RHOBTB1: variants seen among roughly 807,000 people sequenced by gnomAD.
RHOBTB1 encodes rho-related BTB domain-containing protein 1.
A neutral mutation model predicts 71.6 loss-of-function variants in RHOBTB1; 40 were observed. That is an observed-to-expected ratio of 0.56 (90% CI 0.43 to 0.73). The LOEUF is 0.73. Ranked by LOEUF, RHOBTB1 falls within the 30% of genes least tolerant of loss-of-function variation. RHOBTB1 has a pLI of 0.00. For synonymous variants in RHOBTB1, 319 were observed against 334.9 expected (o/e 0.95, Z 0.52); for missense variants, 797 against 894.0 (o/e 0.89, Z 1.38).
At position 60,951,502 on chromosome 10, in the gene RHOBTB1, C is replaced by G. The variant is rs1349018167; in HGVS notation, c.-61-9648G>C. On this transcript the variant is annotated intron_variant, in intron 2 of 11. Transcript: ENST00000357917. Reference sequence around the variant, plus strand: ...ATTTGGTAAACTCCCCCTTTATGGTCAAGTAGTTAACTGCATCACATGTGG... The same window carrying G: ...ATTTGGTAAACTCCCCCTTTATGGTGAAGTAGTTAACTGCATCACATGTGG... 4.6e-5 allele frequency among the ~76,000 whole-genome samples: 7 copies of G among 152,308 alleles called. No individual in the cohort carries two copies. The South Asian group carries it at 1.2e-3, about 27-fold the overall frequency.
At chr10:60,861,209 G>A in the RHOBTB1 span, among the ~76,000 whole-genome samples, 2 of 152,184 alleles carry the variant, frequency 1.3e-5, no homozygotes, top group African/African-American at 2.4e-5. Flanking sequence ...GTTATAGGAC[G>A]TTCTGTTTGA....
Position 60,990,618 on chromosome 10 carries a change from C to A in RHOBTB1, c.-162-4673G>T, listed in dbSNP as rs373152383. On this transcript the variant is annotated intron_variant, in intron 1 of 11. Transcript: ENST00000357917. The stretch of plus-strand genomic sequence containing the variant: ...CTGACCACTGCTACTTTCCTAGAAC[C>A]CTTGCTCCTCTGCCCCCCATGACCC... Among the ~76,000 whole-genome samples, 6 of 152,132 alleles carry A rather than the reference C, an allele frequency of 3.9e-5. No homozygotes were observed. The South Asian group carries it at 8.3e-4, about 21-fold the overall frequency.
At chr10:60,894,651 T>C (rs1317950922) in intron 4 of RHOBTB1, among the ~76,000 whole-genome samples, 1 of 152,206 alleles carries the variant, frequency 6.6e-6, no homozygotes, top group Non-Finnish European at 1.5e-5. Context: ...GAAACTCTGC[T>C]ATAAGCTTCA....
At chr10:60,983,246 A>G (rs527466234) in intron 2 of RHOBTB1, among the ~76,000 whole-genome samples, 1 of 152,312 alleles carries the variant, frequency 6.6e-6, no homozygotes, top group African/African-American at 2.4e-5. Flanking sequence ...ATGCTTCCTT[A>G]GGGCTATTCC....
intron 2 of RHOBTB1, among the ~76,000 whole-genome samples, chr10:60,979,053 T>G (rs912665789): frequency 2.6e-5 from 4 of 152,180 alleles, no homozygotes; most frequent in African/African-American, 9.7e-5. Flanking sequence ...TATTTATGGC[T>G]TCCTTGTCAT....
chr10:60,932,844 C>A (rs2084340678), intron 2 of RHOBTB1, among the ~76,000 whole-genome samples: 2 of 152,100 alleles, frequency 1.3e-5, no homozygotes, highest in African/African-American at 4.8e-5. Context: ...TTTAAAAACC[C>A]ATATTCATGA....
chr10:60,959,291 C>T (rs753632208), intron 2 of RHOBTB1, among the ~76,000 whole-genome samples: 2 of 152,142 alleles, frequency 1.3e-5, no homozygotes, highest in African/African-American at 4.8e-5. Flanking sequence ...TCTTGGAAAA[C>T]GGACCTACAG....
chr10:60,972,443 C>A (rs964475599), intron 2 of RHOBTB1, among the ~76,000 whole-genome samples: 1 of 151,992 alleles, frequency 6.6e-6, no homozygotes, highest in Admixed American at 6.6e-5. Flanking sequence ...GAACAGAAAA[C>A]CAAACATCGC....
At chr10:60,908,349 G>A (rs1229203399) in intron 4 of RHOBTB1, among the ~76,000 whole-genome samples, 1 of 152,158 alleles carries the variant, frequency 6.6e-6, no homozygotes, top group Non-Finnish European at 1.5e-5. Flanking sequence ...TTTTAAAAAG[G>A]TTTCGAATAC....
upstream of RHOBTB1, among the ~76,000 whole-genome samples, chr10:60,944,917 C>A (rs1258494499): frequency 1.3e-5 from 2 of 152,134 alleles, no homozygotes; most frequent in Non-Finnish European, 2.9e-5. Context: ...TTATAACCTC[C>A]TGCAAATGGC....
intron 6 of RHOBTB1, among the ~76,000 whole-genome samples, chr10:60,886,656 A>C (rs555812424): frequency 4.0e-5 from 6 of 150,106 alleles, no homozygotes; most frequent in Non-Finnish European, 7.4e-5. Context: ...TACATTTATA[A>C]TATGCTCTAC....
At chr10:61,000,148 C>G in intron 1 of RHOBTB1, among the ~76,000 whole-genome samples, 1 of 152,186 alleles carries the variant, frequency 6.6e-6, no homozygotes, top group South Asian at 2.1e-4. Flanking sequence ...CTTACGCTTC[C>G]GAGTGCATCT....
rs143944348 is a variant in RHOBTB1 at position 60,980,483 on chromosome 10, A to G, written c.-62+5362T>C. ...TTGTGGAATTAAACAATTGTCTATTATGACATTGAGATGCTCTTCTCAGGT... is the reference window on the plus strand; with the variant it reads ...TTGTGGAATTAAACAATTGTCTATTGTGACATTGAGATGCTCTTCTCAGGT... On this transcript the variant is annotated intron_variant, in intron 2 of 11. Transcript: ENST00000357917. Among the ~76,000 whole-genome samples, 392 of 152,290 alleles carry G rather than the reference A, an allele frequency of 2.6e-3. 2 individuals are homozygous for G. The highest frequency in any genetic ancestry group is 8.9e-3 in the African/African-American group (371 of 41,570).
At chr10:60,881,144 TTC>T (rs750257208) in intron 7 of RHOBTB1, among the ~76,000 whole-genome samples, 4 of 152,124 alleles carry the variant, frequency 2.6e-5, no homozygotes, top group Non-Finnish European at 5.9e-5. Flanking sequence ...TTTCACTTGG[TTC>T]TCTCTCTCTT....
chr10:60,916,640 C>A (rs565704437), intron 2 of RHOBTB1, among the ~76,000 whole-genome samples: 2 of 152,154 alleles, frequency 1.3e-5, no homozygotes, highest in Non-Finnish European at 2.9e-5. Flanking sequence ...ATGGGTCATG[C>A]CAACTTTTCT....
At chr10:61,000,572 T>C (rs373818552) in intron 1 of RHOBTB1, among the ~76,000 whole-genome samples, 1 of 152,206 alleles carries the variant, frequency 6.6e-6, no homozygotes. Flanking sequence ...GCTGGACTCA[T>C]TATTTGAGTG....
intron 2 of RHOBTB1, among the ~76,000 whole-genome samples, chr10:60,922,681 G>A (rs1254735142): frequency 6.6e-6 from 1 of 152,194 alleles, no homozygotes; most frequent in Non-Finnish European, 1.5e-5. Flanking sequence ...GTTTCCCAGT[G>A]GCTCCAATAG....
At chr10:60,938,568 T>G (rs767627608) in intron 2 of RHOBTB1, among the ~76,000 whole-genome samples, 11 of 152,212 alleles carry the variant, frequency 7.2e-5, no homozygotes, top group Non-Finnish European at 1.3e-4. Context: ...ACATTTAAAA[T>G]GACCTAAGCA....
At chr10:60,899,964 G>A (rs2082335675) in intron 4 of RHOBTB1, among the ~76,000 whole-genome samples, 1 of 152,128 alleles carries the variant, frequency 6.6e-6, no homozygotes, top group African/African-American at 2.4e-5. Context: ...GGGGAAGGGA[G>A]GGAATCAGTA....
Sources: allele counts gnomAD v4.1 joint callset (sites outside exome capture counted in the v4.1 genomes callset), GRCh38; gene constraint gnomAD v4.1.1; transcripts MANE v1.5; gene names NCBI Gene and HGNC (gene_info 2026-07-23, HGNC 2026-07-21).